GRID2: variants seen among roughly 807,000 people sequenced by gnomAD.
GRID2 encodes the protein glutamate receptor ionotropic, delta-2.
Under a neutral mutation model 114.8 loss-of-function variants are expected in GRID2, and 33 were observed. The observed-to-expected ratio is 0.29, with a 90% CI of 0.22 to 0.38. The LOEUF is 0.38. Among genes scored for constraint, GRID2 ranks in the 10% least tolerant of loss-of-function variants. The pLI is 1.00. For synonymous variants in GRID2, 505 were observed against 449.9 expected (o/e 1.12, Z -1.55); for missense variants, 1,184 against 1,257.7 (o/e 0.94, Z 0.89).
intron 10 of GRID2, among the ~76,000 whole-genome samples, chr4:93,430,855 A>G (rs954805610): frequency 2.6e-5 from 4 of 152,218 alleles, no homozygotes; most frequent in African/African-American, 9.6e-5. Flanking sequence ...TATCTAGGTA[A>G]AGAGGGATTG....
intron 10 of GRID2, among the ~76,000 whole-genome samples, chr4:93,438,627 A>C (rs1336546484): frequency 6.6e-6 from 1 of 152,160 alleles, no homozygotes; most frequent in Non-Finnish European, 1.5e-5. Flanking sequence ...TTAAAACAAC[A>C]GTAACAGGAG....
chr4:92,384,144 GGTGT>G (rs1335458167), intron 1 of GRID2, among the ~76,000 whole-genome samples: 1 of 148,612 alleles, frequency 6.7e-6, no homozygotes, highest in Non-Finnish European at 1.5e-5. Flanking sequence ...TGTATGTGTG[GGTGT>G]GTGTGTGTCT....
At chr4:93,335,687 C>T (rs376738668) in intron 8 of GRID2, among the ~76,000 whole-genome samples, 32 of 118,126 alleles carry the variant, frequency 2.7e-4, no homozygotes, top group African/African-American at 7.5e-4. Context: ...CTCTTTCTTT[C>T]TTCTTTCTTT....
intron 6 of GRID2, among the ~76,000 whole-genome samples, chr4:93,221,215 A>G (rs944378198): frequency 6.6e-6 from 1 of 152,194 alleles, no homozygotes; most frequent in African/African-American, 2.4e-5. Context: ...TAATGTGTCA[A>G]TTCTGGATAC....
At chr4:92,611,369 A>G (rs2149229036) in intron 2 of GRID2, among the ~76,000 whole-genome samples, 3 of 151,660 alleles carry the variant, frequency 2.0e-5, no homozygotes. Flanking sequence ...TTGTGTGTGC[A>G]TGAAAACAGA....
intron 13 of GRID2, among the ~76,000 whole-genome samples, chr4:93,617,811 A>G (rs1741831152): frequency 6.6e-6 from 1 of 152,162 alleles, no homozygotes; most frequent in Non-Finnish European, 1.5e-5. Context: ...GCAGTGCAAC[A>G]AGGGGTGATT....
chr4:92,406,037 G>A (rs547541446), intron 1 of GRID2, among the ~76,000 whole-genome samples: 1 of 152,134 alleles, frequency 6.6e-6, no homozygotes, highest in African/African-American at 2.4e-5. Flanking sequence ...AGAGATGTAG[G>A]TTGGGAGGCT....
intron 2 of GRID2, among the ~76,000 whole-genome samples, chr4:92,592,138 A>G (rs1365385809): frequency 6.6e-6 from 1 of 152,094 alleles, no homozygotes; most frequent in African/African-American, 2.4e-5. Flanking sequence ...AATAGGAAAT[A>G]TATGTCATTC....
At chr4:93,213,098 T>A (rs187223409) in intron 5 of GRID2, among the ~76,000 whole-genome samples, 1 of 152,112 alleles carries the variant, frequency 6.6e-6, no homozygotes, top group East Asian at 1.9e-4. Context: ...GTTGTTGTTT[T>A]GAGATTTAAA....
intron 2 of GRID2, among the ~76,000 whole-genome samples, chr4:92,812,822 T>C (rs113404428): frequency 3.3e-5 from 5 of 152,304 alleles, no homozygotes; most frequent in African/African-American, 7.2e-5. Context: ...CTTAATTTGC[T>C]ACTTCTTGAA....
In GRID2 at chr4:93,016,931, A is replaced by T. The variant is rs1417125353; in HGVS notation, c.245-68064A>T. 2.0e-5 allele frequency among the ~76,000 whole-genome samples: 3 copies of T among 152,182 alleles called. No individual in the cohort carries two copies. In the East Asian group the frequency reaches 5.8e-4, roughly 29 times the overall value. On this transcript the variant is annotated intron_variant, in intron 2 of 15. Coordinates refer to ENST00000282020, the MANE Select transcript of GRID2 (RefSeq NM_001510.4). Reference sequence around the variant, plus strand: ...GAGTAGCTAAAACCGTTGCTTAAAAAAATTCTCTTCTATGATGCTTCTGTC... The same window carrying T: ...GAGTAGCTAAAACCGTTGCTTAAAATAATTCTCTTCTATGATGCTTCTGTC...
Position 93,551,042 on chromosome 4 carries a change from C to G in GRID2, c.2193+35631C>G, listed in dbSNP as rs568553111. ...AAAATAACTTAGACTTTCTATGCCT[C>G]AGTTTCTTCTATTGCAAATGAGATT... On this transcript the variant is annotated intron_variant, in intron 13 of 15. Coordinates refer to ENST00000282020, the MANE Select transcript of GRID2 (RefSeq NM_001510.4). 5.9e-5 allele frequency among the ~76,000 whole-genome samples: 9 copies of G among 152,232 alleles called. No homozygotes were observed. In the South Asian group the frequency reaches 1.9e-3, roughly 32 times the overall value.
At chr4:93,514,984 C>G (rs1365701870) in intron 12 of GRID2, among the ~76,000 whole-genome samples, 1 of 152,154 alleles carries the variant, frequency 6.6e-6, no homozygotes, top group Non-Finnish European at 1.5e-5. Flanking sequence ...TAGACGTTTT[C>G]ACTTTTCCTT....
In GRID2 at chr4:92,423,458, T is replaced by C. The variant is rs78353936; in HGVS notation, c.88+118714T>C. On this transcript the variant is annotated intron_variant, in intron 1 of 15. Coordinates refer to ENST00000282020, the MANE Select transcript of GRID2 (RefSeq NM_001510.4). ...GATGGATATTGAGGTGTACATTTTGTAGTTATTCAAGTCCATAATGTGTTT... is the reference window on the plus strand; with the variant it reads ...GATGGATATTGAGGTGTACATTTTGCAGTTATTCAAGTCCATAATGTGTTT... Among the ~76,000 whole-genome samples, 1,321 of 152,202 alleles carry C rather than the reference T, an allele frequency of 8.7e-3. 20 individuals carry two copies. The highest frequency in any genetic ancestry group is 0.03 in the African/African-American group (1,265 of 41,550).
chr4:92,307,640 G>C (rs1254828595), intron 1 of GRID2, among the ~76,000 whole-genome samples: 1 of 151,900 alleles, frequency 6.6e-6, no homozygotes, highest in Non-Finnish European at 1.5e-5. Flanking sequence ...AAACATAATG[G>C]TTAAACCATA....
At chr4:93,584,163 G>GA (rs1449719002) in intron 13 of GRID2, among the ~76,000 whole-genome samples, 1 of 152,044 alleles carries the variant, frequency 6.6e-6, no homozygotes, top group Non-Finnish European at 1.5e-5. Context: ...TTTACCTTGG[G>GA]AAAAAACATA....
chr4:93,331,221 C>T (rs914977206), intron 8 of GRID2, among the ~76,000 whole-genome samples: 3 of 149,604 alleles, frequency 2.0e-5, no homozygotes, highest in Non-Finnish European at 4.4e-5. Context: ...CACTATGTTC[C>T]TTGAATATTT....
At position 93,797,422 on chromosome 4, in the gene GRID2, A is replaced by G. The variant is rs565955365; in HGVS notation, c.222-9293A>G. Among the ~76,000 whole-genome samples the G allele has an allele frequency of 6.7e-4, 102 of 152,314 alleles. No homozygotes were observed. The Middle Eastern group carries it at 0.01, about 15-fold the overall frequency. The stretch of plus-strand genomic sequence containing the variant: ...GCTAACTTTCTAGAGGTTCTGCAGA[A>G]AAATGTGTCTGAATAGCTATTAATG... On this transcript the variant is annotated intron_variant, in intron 1 of 1. Coordinates refer to the GRID2 transcript ENST00000637838.
At chr4:93,612,348 G>T (rs1241572781) in intron 13 of GRID2, among the ~76,000 whole-genome samples, 2 of 150,430 alleles carry the variant, frequency 1.3e-5, no homozygotes, top group African/African-American at 4.9e-5. Flanking sequence ...ATTTGATCCT[G>T]TCATTATGAT....
Sources: allele counts gnomAD v4.1 joint callset (sites outside exome capture counted in the v4.1 genomes callset), GRCh38; gene constraint gnomAD v4.1.1; transcripts MANE v1.5; gene names NCBI Gene and HGNC (gene_info 2026-07-23, HGNC 2026-07-21).